Variants in CDH18 observed in about 807,000 individuals in gnomAD.
The protein encoded by CDH18 is cadherin-18.
A neutral mutation model predicts 67.9 loss-of-function variants in CDH18; 31 were observed. The ratio of observed to expected loss-of-function variants is 0.46; its 90% CI spans 0.34 to 0.62. The LOEUF (loss-of-function observed/expected upper bound fraction) is 0.62, where lower values mean the gene tolerates loss of function less well. CDH18 is among the 20% of genes least tolerant of loss of function. The pLI is 0.01. For synonymous variants in CDH18, 362 were observed against 347.2 expected (o/e 1.04, Z -0.48); for missense variants, 890 against 975.5 (o/e 0.91, Z 1.17).
chr5:20,420,005 A>AT (rs1012001270), intron 1 of CDH18, among the ~76,000 whole-genome samples: 16 of 150,990 alleles, frequency 1.1e-4, no homozygotes, highest in African/African-American at 4.0e-4. Flanking sequence ...CAGGAACTGT[A>AT]TTTTTTCCAT....
chr5:19,700,251 C>A (rs925263775), intron 5 of CDH18, among the ~76,000 whole-genome samples: 1 of 152,084 alleles, frequency 6.6e-6, no homozygotes, highest in Non-Finnish European at 1.5e-5. Flanking sequence ...TTCACATGAA[C>A]CAAACAACAT....
rs1753789692 is a variant in CDH18, at chr5:20,494,443, G to C, written c.-580+81019C>G. The stretch of plus-strand genomic sequence containing the variant: ...AAAATGTGGGAAGAGGACCTTACAT[G>C]ACTGTACAGGAATTTTCGTTTCAAG... On this transcript the variant is annotated intron_variant, in intron 1 of 14. Coordinates refer to the CDH18 transcript ENST00000507958. Among the ~76,000 whole-genome samples the C allele has an allele frequency of 2.0e-5, 3 of 151,946 alleles. 1 individual carries two copies. In the East Asian group the frequency reaches 5.8e-4, roughly 29 times the overall value.
chr5:19,638,978 T>TG lies in CDH18; in HGVS notation c.644-26378_644-26377insC, dbSNP rs1753600819. On this transcript the variant is annotated intron_variant, in intron 5 of 12. Coordinates refer to ENST00000382275, the MANE Select transcript of CDH18 (RefSeq NM_004934.5). ...ATCGCTGGGAAGTTTTTTGTTGCTG[T>TG]TTTTTTTTTTTTTTTTTTTTTTTTT... Among the ~76,000 whole-genome samples the TG allele has an allele frequency of 4.4e-4, 4 of 9,190 alleles. No individual in the cohort carries two copies. In the Admixed American group the frequency reaches 6.0e-3, roughly 14 times the overall value. The allele number at this position is 9,190 out of a possible 152,430, so 6.0% of individuals were successfully genotyped here.
chr5:20,400,603 A>AAAG (rs1299018571), intron 1 of CDH18, among the ~76,000 whole-genome samples: 1 of 151,046 alleles, frequency 6.6e-6, no homozygotes, highest in African/African-American at 2.4e-5. Context: ...AAATACAAAA[A>AAAG]AAAAAACCAG....
At chr5:19,544,976 CT>C (rs959258628) in intron 8 of CDH18, among the ~76,000 whole-genome samples, 11 of 151,932 alleles carry the variant, frequency 7.2e-5, no homozygotes, top group African/African-American at 2.2e-4. Context: ...TTAGACACAG[CT>C]TTTTTTTAAG....
intron 1 of CDH18, among the ~76,000 whole-genome samples, chr5:20,390,053 A>C (rs1744703166): frequency 6.6e-6 from 1 of 152,222 alleles, no homozygotes; most frequent in Non-Finnish European, 1.5e-5. Flanking sequence ...AAACCTAGGC[A>C]ATACCATTAA....
intron 1 of CDH18, among the ~76,000 whole-genome samples, chr5:20,453,938 G>A (rs558724865): frequency 6.6e-6 from 1 of 152,190 alleles, no homozygotes; most frequent in East Asian, 1.9e-4. Flanking sequence ...TGCGAAGGGA[G>A]ATAAAAATTA....
At chr5:20,335,359 T>C (rs943113326) in intron 1 of CDH18, among the ~76,000 whole-genome samples, 1 of 152,180 alleles carries the variant, frequency 6.6e-6, no homozygotes, top group African/African-American at 2.4e-5. Context: ...GTTATTTCCT[T>C]CAGACTTTTT....
At chr5:19,835,174 T>C (rs762704943) in intron 3 of CDH18, among the ~76,000 whole-genome samples, 2 of 152,162 alleles carry the variant, frequency 1.3e-5, no homozygotes, top group Non-Finnish European at 2.9e-5. Context: ...ATATACACCA[T>C]GGAGTAGTAT....
chr5:19,563,858 C>T (rs1041604031), intron 8 of CDH18, among the ~76,000 whole-genome samples: 2 of 152,156 alleles, frequency 1.3e-5, no homozygotes, highest in African/African-American at 4.8e-5. Context: ...TTACACAACC[C>T]CTCCCTCATA....
At chr5:20,332,114 T>C (rs1289915565) in intron 1 of CDH18, among the ~76,000 whole-genome samples, 2 of 152,130 alleles carry the variant, frequency 1.3e-5, no homozygotes, top group African/African-American at 4.8e-5. Context: ...TAAACACAAT[T>C]AGTTGATGTC....
At chr5:20,486,587 T>G (rs1753192993) in intron 1 of CDH18, among the ~76,000 whole-genome samples, 1 of 151,246 alleles carries the variant, frequency 6.6e-6, no homozygotes, top group Admixed American at 6.6e-5. Flanking sequence ...TTTGGATCCC[T>G]TTTTTTTGAT....
intron 3 of CDH18, among the ~76,000 whole-genome samples, chr5:19,783,458 A>G (rs935510486): frequency 8.5e-5 from 13 of 152,190 alleles, no homozygotes; most frequent in African/African-American, 3.1e-4. Context: ...AAACATCAAA[A>G]GTGAGAAAAA....
rs531247851 is a variant in CDH18 at position 20,158,332 on chromosome 5, T to C, written c.-518+97112A>G. On this transcript the variant is annotated intron_variant, in intron 2 of 14. Transcript: ENST00000507958. ...AACATAACTAAAAAAAGTAATTTTT[T>C]TCACAACAAGGCATATTATGGAAGT... 2.0e-5 allele frequency among the ~76,000 whole-genome samples: 3 copies of C among 152,260 alleles called. No homozygotes were observed. In the South Asian group the frequency reaches 6.2e-4, roughly 32 times the overall value.
chr5:19,567,621 T>C (rs1173282905), intron 8 of CDH18, among the ~76,000 whole-genome samples: 2 of 152,188 alleles, frequency 1.3e-5, no homozygotes, highest in African/African-American at 4.8e-5. Flanking sequence ...GAGGCCCATG[T>C]GAATGACACA....
At chr5:20,387,313 T>C (rs567504724) in intron 1 of CDH18, among the ~76,000 whole-genome samples, 1 of 152,292 alleles carries the variant, frequency 6.6e-6, no homozygotes, top group East Asian at 1.9e-4. Flanking sequence ...CTAGGTATTT[T>C]ATTCTCTTTG....
intron 2 of CDH18, among the ~76,000 whole-genome samples, chr5:20,022,813 AT>A (rs995996201): frequency 1.3e-4 from 20 of 152,172 alleles, no homozygotes; most frequent in African/African-American, 4.3e-4. Context: ...GAAAGGAAAA[AT>A]ATTATGAATA....
intron 1 of CDH18, among the ~76,000 whole-genome samples, chr5:20,474,340 T>C (rs111231017): frequency 2.0e-5 from 3 of 152,146 alleles, no homozygotes; most frequent in Non-Finnish European, 2.9e-5. Context: ...TTATTCATTT[T>C]TGGAGACTCT....
At chr5:20,492,988 A>G (rs1466875526) in intron 1 of CDH18, among the ~76,000 whole-genome samples, 3 of 152,182 alleles carry the variant, frequency 2.0e-5, no homozygotes, top group African/African-American at 7.2e-5. Context: ...GTAGATGATA[A>G]AGAGTTAAAA....
Sources: allele counts gnomAD v4.1 joint callset (sites outside exome capture counted in the v4.1 genomes callset), GRCh38; gene constraint gnomAD v4.1.1; transcripts MANE v1.5; gene names NCBI Gene and HGNC (gene_info 2026-07-23, HGNC 2026-07-21).